The following PPFIBP2 variants were observed in gnomAD, a reference collection of about 807,000 sequenced individuals.
PPFIBP2 encodes the protein PPFIB scaffold protein 2.
In PPFIBP2, 118 loss-of-function variants were observed where a neutral mutation model predicts 118.3. The ratio of observed to expected loss-of-function variants is 1.00; its 90% CI spans 0.86 to 1.16. The LOEUF is 1.16. Among genes scored for constraint, PPFIBP2 ranks in the 50% most tolerant of loss-of-function variants. The pLI, the probability that PPFIBP2 is intolerant of heterozygous loss-of-function variation, is 0.00. For missense variants in PPFIBP2, 1,195 were observed against 1,073.1 expected, an observed-to-expected ratio of 1.11 and a Z score of -1.59; for synonymous variants, 414 against 397.4, an observed-to-expected ratio of 1.04 and a Z score of -0.50.
intron 1 of PPFIBP2, among the ~76,000 whole-genome samples, chr11:7,538,863 A>G (rs1851487523): frequency 6.6e-6 from 1 of 152,076 alleles, no homozygotes; most frequent in South Asian, 2.1e-4. Flanking sequence ...GTTCTGATAG[A>G]TCTCAGCCCC....
Position 7,650,846 on chromosome 11 carries a change from C to T in PPFIBP2, c.2128C>T (p.Leu710Phe), listed in dbSNP as rs1345049300. The change falls in exon 22 of 24, where the codon CTT becomes TTT. Residue 710 changes from leucine to phenylalanine, a missense_variant. Leu to Phe is a conservative substitution (Grantham distance 22, BLOSUM62 0). Transcript: ENST00000299492. ...LHRRPADESN[L>F]SPSEVVQWSN... ...CTCCTTCTCCCTCTGACAGAGTAAC[C>T]TTTCTCCTTCAGAAGTTGTACAGTG... 4.3e-6 allele frequency: 7 copies of T among 1,613,728 alleles called. No individual in the cohort carries two copies. The highest frequency in any genetic ancestry group is 5.9e-6 in the Non-Finnish European group (7 of 1,179,746).
In PPFIBP2 at chr11:7,648,839, G is replaced by A; in HGVS notation, c.1837G>A (p.Val613Ile). ...GCACCCACTCCACAGGAAGAAGCTTGTTTTAGCAGTGAAAGCCATCAACAC... is the reference window on the plus strand; with the variant it reads ...GCACCCACTCCACAGGAAGAAGCTTATTTTAGCAGTGAAAGCCATCAACAC... ...IKHPLHRKKL[V>I]LAVKAINTKQ... The change falls in exon 19 of 24, where the codon GTT becomes ATT. Residue 613 changes from valine (V) to isoleucine (I), a missense_variant. Val to Ile is a conservative substitution (Grantham distance 29, BLOSUM62 3). Transcript: ENST00000299492. 1 of 1,614,142 alleles carries A rather than the reference G, an allele frequency of 6.2e-7. No homozygotes were observed. Among genetic ancestry groups the A allele is most frequent in the South Asian group, 1.1e-5 (1 of 91,082 alleles).
chr11:7,640,022 CCT>C, intron 15 of PPFIBP2, 152 bp downstream of exon 15: 1 of 948,820 alleles, frequency 1.1e-6, no homozygotes, highest in Non-Finnish European at 1.4e-6. Flanking sequence ...GGTGGTCCCA[CCT>C]CCCCAGAGGC....
intron 1 of PPFIBP2, among the ~76,000 whole-genome samples, chr11:7,521,716 A>G (rs966254949): frequency 6.6e-6 from 1 of 152,234 alleles, no homozygotes; most frequent in Non-Finnish European, 1.5e-5. Context: ...CACACTTAGC[A>G]GATGTCCAGG....
At chr11:7,567,889 G>A (rs771672666) in intron 3 of PPFIBP2, among the ~76,000 whole-genome samples, 6 of 152,194 alleles carry the variant, frequency 3.9e-5, no homozygotes, top group Non-Finnish European at 7.3e-5. Context: ...CAGGTGACTC[G>A]TAAGCACATT....
intron 1 of PPFIBP2, among the ~76,000 whole-genome samples, chr11:7,516,850 G>C (rs1199110957): frequency 6.6e-6 from 1 of 152,162 alleles, no homozygotes; most frequent in East Asian, 1.9e-4. Context: ...GACTGGGCCT[G>C]AGAAGGGAGG....
rs74051535 is a variant in PPFIBP2, at chr11:7,585,055, C to T, written c.280-8077C>T. ...CTTATCCAGGACAAGGCTTACCCAA[C>T]GTGCTGTGTTCAAAATCTCAGCGTA... On this transcript the variant is annotated intron_variant, in intron 3 of 23. Coordinates refer to ENST00000299492, the MANE Select transcript of PPFIBP2 (RefSeq NM_003621.5). 3.7e-3 allele frequency among the ~76,000 whole-genome samples: 561 copies of T among 152,326 alleles called. 3 individuals carry two copies. The highest frequency in any genetic ancestry group is 0.013 in the African/African-American group (538 of 41,574).
chr11:7,647,501 C>A (rs557125915), intron 17 of PPFIBP2, among the ~76,000 whole-genome samples: 8 of 152,296 alleles, frequency 5.3e-5, no homozygotes, highest in African/African-American at 1.9e-4. Context: ...CACACATAAT[C>A]ACACAAGGCC....
intron 5 of PPFIBP2, among the ~76,000 whole-genome samples, chr11:7,601,555 A>G (rs181685198): frequency 1.3e-3 from 191 of 152,130 alleles, no homozygotes; most frequent in East Asian, 7.9e-3. Context: ...AGCTGTCTAC[A>G]TAGACAGCTA....
At chr11:7,530,352 G>C (rs1392655794) in intron 1 of PPFIBP2, among the ~76,000 whole-genome samples, 2 of 152,198 alleles carry the variant, frequency 1.3e-5, no homozygotes, top group Non-Finnish European at 2.9e-5. Context: ...GCCCAAATCT[G>C]TCTGACTTTG....
chr11:7,517,775 G>A (rs1304901877), intron 1 of PPFIBP2, among the ~76,000 whole-genome samples: 1 of 152,218 alleles, frequency 6.6e-6, no homozygotes. Context: ...TGGCTCGGAT[G>A]AAGTGATGGT....
chr11:7,622,648 T>A (rs1421615000), intron 7 of PPFIBP2, among the ~76,000 whole-genome samples: 1 of 152,224 alleles, frequency 6.6e-6, no homozygotes, highest in Non-Finnish European at 1.5e-5. Context: ...TCCCAAGATT[T>A]TACAGCTATT....
Position 7,648,926 on chromosome 11 carries a change from A to G in PPFIBP2, c.1909+15A>G, listed in dbSNP as rs527447082. 1 of 1,598,324 alleles carries G rather than the reference A, an allele frequency of 6.3e-7. No individual in the cohort carries two copies. Among genetic ancestry groups the G allele is most frequent in the Non-Finnish European group, 8.6e-7 (1 of 1,165,812 alleles). ...TTGGGTGACAAGTAAGGATAGGCAT[A>G]TATGTATTAAGAATGTCTCTGGCAG... On this transcript the variant is annotated intron_variant, in intron 19 of 23. Coordinates refer to ENST00000299492, the MANE Select transcript of PPFIBP2 (RefSeq NM_003621.5).
At chr11:7,586,903 T>C (rs1449945232) in intron 3 of PPFIBP2, among the ~76,000 whole-genome samples, 2 of 152,378 alleles carry the variant, frequency 1.3e-5, no homozygotes, top group East Asian at 1.9e-4. Flanking sequence ...TCGACATAAC[T>C]TCTTAAACAG....
At chr11:7,666,807 C>CTTTTTT in the PPFIBP2 span, 1 of 340,758 alleles carries the variant, frequency 2.9e-6, no homozygotes, top group Admixed American at 4.3e-5. Flanking sequence ...TGACCGCCTC[C>CTTTTTT]AACTAGAAGG....
intron 1 of PPFIBP2, 90 bp downstream of exon 1, chr11:7,514,211 C>G (rs930207224): frequency 1.3e-5 from 2 of 152,296 alleles, no homozygotes; most frequent in Non-Finnish European, 2.9e-5. Context: ...GGAGCGCCCC[C>G]AGAGCTACGA....
chr11:7,603,389 C>G (rs184141973), intron 5 of PPFIBP2, among the ~76,000 whole-genome samples: 1 of 152,352 alleles, frequency 6.6e-6, no homozygotes, highest in Admixed American at 6.5e-5. Flanking sequence ...CTCGAGTTGA[C>G]TACAAGCACC....
At chr11:7,665,914 G>C in the PPFIBP2 span, 2 of 1,536,116 alleles carry the variant, frequency 1.3e-6, no homozygotes, top group Non-Finnish European at 1.7e-6. Context: ...TGCTCAGTAG[G>C]GTAGCGCCCT....
intron 12 of PPFIBP2, 39 bp from the exon 13 acceptor site, chr11:7,634,455 TC>T: frequency 1.3e-6 from 2 of 1,490,406 alleles, no homozygotes; most frequent in Non-Finnish European, 1.9e-6. Flanking sequence ...AACATGTACC[TC>T]CTTCTCATAA....
Sources: allele counts gnomAD v4.1 joint callset (sites outside exome capture counted in the v4.1 genomes callset), GRCh38; gene constraint gnomAD v4.1.1; transcripts MANE v1.5; gene names NCBI Gene and HGNC (gene_info 2026-07-23, HGNC 2026-07-21).